The following SDK1 variants were observed in gnomAD, a reference collection of about 807,000 sequenced individuals.
SDK1 encodes the protein sidekick cell adhesion molecule 1.
Under a neutral mutation model 245.5 loss-of-function variants are expected in SDK1, and 157 were observed. That is an observed-to-expected ratio of 0.64 (90% CI 0.56 to 0.73). The LOEUF is 0.73. Among genes scored for constraint, SDK1 ranks in the 30% least tolerant of loss-of-function variants. SDK1 has a pLI of 0.00. For synonymous variants in SDK1, 1,647 were observed against 1,278.5 expected (o/e 1.29, Z -6.15); for missense variants, 3,583 against 3,002.3 (o/e 1.19, Z -4.52).
intron 10 of SDK1, among the ~76,000 whole-genome samples, chr7:3,968,391 G>A (rs890564314): frequency 6.6e-6 from 1 of 152,292 alleles, no homozygotes; most frequent in Non-Finnish European, 1.5e-5. Context: ...TTGCTGGGCT[G>A]TATCGGGCTG....
At chr7:3,532,107 T>C (rs1436757574) in intron 1 of SDK1, among the ~76,000 whole-genome samples, 4 of 152,194 alleles carry the variant, frequency 2.6e-5, no homozygotes, top group African/African-American at 4.8e-5. Flanking sequence ...CTTCTTACTT[T>C]TCTGTATCTT....
At chr7:3,518,521 G>A (rs1182629406) in intron 1 of SDK1, among the ~76,000 whole-genome samples, 1 of 151,674 alleles carries the variant, frequency 6.6e-6, no homozygotes, top group African/African-American at 2.4e-5. Context: ...ATGAGCAAAT[G>A]ATCTGAACAC....
At chr7:4,151,225 C>A (rs1780358902) in intron 30 of SDK1, among the ~76,000 whole-genome samples, 1 of 152,158 alleles carries the variant, frequency 6.6e-6, no homozygotes, top group South Asian at 2.1e-4. Flanking sequence ...AGACCACAGA[C>A]CAGCAAGGAA....
At chr7:3,341,231 C>T (rs1780340331) in intron 1 of SDK1, among the ~76,000 whole-genome samples, 1 of 152,166 alleles carries the variant, frequency 6.6e-6, no homozygotes. Context: ...ATCTATGCCA[C>T]CCACCATATC....
intron 5 of SDK1, among the ~76,000 whole-genome samples, chr7:3,884,906 G>A (rs945967174): frequency 2.6e-5 from 4 of 152,214 alleles, no homozygotes; most frequent in African/African-American, 4.8e-5. Context: ...TGGGACTAGG[G>A]GAGGTGGAAG....
intron 5 of SDK1, among the ~76,000 whole-genome samples, chr7:3,901,278 C>T (rs952480355): frequency 2.6e-5 from 4 of 152,090 alleles, no homozygotes; most frequent in African/African-American, 7.2e-5. Context: ...CCTCCGCCTC[C>T]CGGGTTCAAG....
At chr7:3,468,492 G>A (rs1781081029) in intron 1 of SDK1, among the ~76,000 whole-genome samples, 2 of 152,070 alleles carry the variant, frequency 1.3e-5, no homozygotes, top group Non-Finnish European at 2.9e-5. Context: ...CCCATAGCCA[G>A]CCATAAAACC....
chr7:3,896,099 A>G (rs1410706589), intron 5 of SDK1, among the ~76,000 whole-genome samples: 1 of 152,212 alleles, frequency 6.6e-6, no homozygotes, highest in African/African-American at 2.4e-5. Flanking sequence ...AAGCTGGTTG[A>G]TAGTCCCGTT....
chr7:3,402,886 T>A (rs1056790620), intron 1 of SDK1, among the ~76,000 whole-genome samples: 1 of 152,178 alleles, frequency 6.6e-6, no homozygotes, highest in Non-Finnish European at 1.5e-5. Flanking sequence ...TGATACAGAT[T>A]TAATTATGCA....
At chr7:3,340,976 C>T (rs1780334446) in intron 1 of SDK1, among the ~76,000 whole-genome samples, 3 of 151,944 alleles carry the variant, frequency 2.0e-5, no homozygotes, top group Admixed American at 2.0e-4. Context: ...TTCTAGAAAA[C>T]AGGAGAGAAG....
intron 17 of SDK1, among the ~76,000 whole-genome samples, chr7:4,041,210 C>T (rs892562433): frequency 3.3e-5 from 5 of 151,876 alleles, no homozygotes; most frequent in African/African-American, 1.2e-4. Context: ...CCAACCTGTG[C>T]CTTTCTGCAG....
chr7:3,674,927 G>T (rs760852486), intron 4 of SDK1, among the ~76,000 whole-genome samples: 63 of 152,244 alleles, frequency 4.1e-4, no homozygotes, highest in Middle Eastern at 6.8e-3. Context: ...GAGGGCATTT[G>T]GTATCCTTCC....
intron 5 of SDK1, among the ~76,000 whole-genome samples, chr7:3,859,675 A>G (rs769329785): frequency 2.0e-5 from 3 of 152,134 alleles, no homozygotes; most frequent in Non-Finnish European, 4.4e-5. Flanking sequence ...GCCAACTTCC[A>G]TTACCATCCC....
chr7:3,605,693 T>C (rs1489090870), intron 1 of SDK1, among the ~76,000 whole-genome samples: 1 of 152,174 alleles, frequency 6.6e-6, no homozygotes. Context: ...ACCAACTGGG[T>C]ATACTTGGTA....
chr7:4,237,818 G>A (rs1301305916), intron 42 of SDK1, 34 bp downstream of exon 42: 5 of 1,611,948 alleles, frequency 3.1e-6, no homozygotes, highest in Non-Finnish European at 4.2e-6. Context: ...CGTGTCCCAC[G>A]ATGCCACTCA....
chr7:3,362,455 C>T (rs959577890), intron 1 of SDK1, among the ~76,000 whole-genome samples: 2 of 152,032 alleles, frequency 1.3e-5, no homozygotes, highest in Non-Finnish European at 2.9e-5. Flanking sequence ...AAAATTTTTG[C>T]AGCACCAAAC....
intron 31 of SDK1, among the ~76,000 whole-genome samples, chr7:4,161,181 A>G (rs748694369): frequency 6.6e-6 from 1 of 152,190 alleles, no homozygotes; most frequent in Non-Finnish European, 1.5e-5. Context: ...CAAGAAGTTT[A>G]GTTTGGCTAG....
At chr7:3,329,620 A>C (rs1374986342) in intron 1 of SDK1, among the ~76,000 whole-genome samples, 1 of 152,174 alleles carries the variant, frequency 6.6e-6, no homozygotes, top group Non-Finnish European at 1.5e-5. Flanking sequence ...AAGTAGAATC[A>C]TCCGGGATGT....
rs142774240 is a variant in SDK1, at chr7:3,611,620, C to A, written c.299-7460C>A. 4.7e-4 allele frequency among the ~76,000 whole-genome samples: 72 copies of A among 152,248 alleles called. 2 individuals carry two copies. Among genetic ancestry groups the A allele is most frequent in the Non-Finnish European group, 9.3e-4 (63 of 68,024 alleles). ...TACTTTCAGTTCTTTAGGGAATCTT[C>A]ACACTGTTTTCCATAGTGGTCGTGC... On this transcript the variant is annotated intron_variant, in intron 1 of 44. Coordinates refer to ENST00000404826, the MANE Select transcript of SDK1 (RefSeq NM_152744.4).
Sources: allele counts gnomAD v4.1 joint callset (sites outside exome capture counted in the v4.1 genomes callset), GRCh38; gene constraint gnomAD v4.1.1; transcripts MANE v1.5; gene names NCBI Gene and HGNC (gene_info 2026-07-23, HGNC 2026-07-21).